Variants in ZNF654 observed in about 807,000 individuals in gnomAD.
ZNF654 encodes the protein zinc finger protein 654, also known as melanoma-associated antigen.
A neutral mutation model predicts 95.3 loss-of-function variants in ZNF654; 19 were observed. The ratio of observed to expected loss-of-function variants is 0.20; its 90% CI spans 0.14 to 0.29. ZNF654 has a LOEUF of 0.29. ZNF654 is among the 10% of genes least tolerant of loss of function. ZNF654 has a pLI of 1.00. For missense variants in ZNF654, 1,046 were observed against 1,341.0 expected, an observed-to-expected ratio of 0.78 and a Z score of 3.44; for synonymous variants, 413 against 457.9, an observed-to-expected ratio of 0.90 and a Z score of 1.25.
chr3:88,113,004 C>A (rs1227705733), intron 2 of ZNF654, 111 bp from the exon 3 acceptor site: 5 of 709,764 alleles, frequency 7.0e-6, no homozygotes, highest in African/African-American at 1.8e-5. Flanking sequence ...TTTTTTAAAC[C>A]AAAATATTTT....
intron 1 of ZNF654, among the ~76,000 whole-genome samples, chr3:88,081,667 T>A (rs1708083271): frequency 6.6e-6 from 1 of 152,272 alleles, no homozygotes; most frequent in Non-Finnish European, 1.5e-5. Flanking sequence ...TCCTTCAGGT[T>A]GGCTTCCATA....
intron 3 of ZNF654, among the ~76,000 whole-genome samples, chr3:88,123,081 G>A (rs1705876944): frequency 6.6e-6 from 1 of 151,284 alleles, no homozygotes; most frequent in Non-Finnish European, 1.5e-5. Context: ...GAGAGAATAA[G>A]TTGTGCATTC....
rs1704388012 is a variant in ZNF654, at chr3:88,100,980, C to T, written c.333-12135C>T. 4.6e-5 allele frequency among the ~76,000 whole-genome samples: 7 copies of T among 152,036 alleles called. No individual in the cohort carries two copies. The South Asian group carries it at 1.4e-3, about 31-fold the overall frequency. On this transcript the variant is annotated intron_variant, in intron 2 of 8. Coordinates refer to ENST00000636215, the MANE Select transcript of ZNF654 (RefSeq NM_001350134.2). ...ATAATAAAAGAAAACTTTATTATGA[C>T]AATTTTCAAGTATACTTGAAAGTAA...
intron 3 of ZNF654, among the ~76,000 whole-genome samples, chr3:88,122,937 G>A (rs1445588245): frequency 6.6e-6 from 1 of 151,268 alleles, no homozygotes; most frequent in African/African-American, 2.4e-5. Flanking sequence ...TTGAACCTGG[G>A]AGGCCGAGGT....
chr3:88,135,323 C>T lies in ZNF654; in HGVS notation c.1035+121C>T, dbSNP rs932909173. 8.0e-6 allele frequency: 6 copies of T among 747,198 alleles called. No individual in the cohort carries two copies. The African/African-American group carries it at 9.2e-5, about 11-fold the overall frequency. The allele number at this position is 747,198 out of a possible 1,614,324, so 46.3% of individuals were successfully genotyped here. A position where few individuals can be genotyped will look rare whatever the true frequency, so the allele number is the denominator to read the frequency against. Reference sequence around the variant, plus strand: ...GAAGGAAAGGAGGATTTTAAGGCCACATTCTCCATACATTACATTCTCCTC... The same window carrying T: ...GAAGGAAAGGAGGATTTTAAGGCCATATTCTCCATACATTACATTCTCCTC... On this transcript the variant is annotated intron_variant, in intron 7 of 8. Coordinates refer to ENST00000636215, the MANE Select transcript of ZNF654 (RefSeq NM_001350134.2).
intron 1 of ZNF654, among the ~76,000 whole-genome samples, chr3:88,068,221 AT>A (rs1001932793): frequency 2.0e-5 from 3 of 152,012 alleles, no homozygotes; most frequent in African/African-American, 7.2e-5. Flanking sequence ...ATCAGTGCTT[AT>A]TTGTCTCGGT....
At chr3:88,127,253 G>T (rs1706164457) in intron 4 of ZNF654, among the ~76,000 whole-genome samples, 1 of 152,120 alleles carries the variant, frequency 6.6e-6, no homozygotes, top group South Asian at 2.1e-4. Flanking sequence ...TGTTGAGCAG[G>T]TTATTTCTGT....
chr3:88,142,917 C>T lies in ZNF654; in HGVS notation c.*1265C>T, dbSNP rs1707200009. ...AACAATAAATATTTTTAAAAATACC[C>T]TCTCAGATGTTTTCCATTTGTCCAT... On this transcript the variant is annotated 3_prime_UTR_variant, in exon 9 of 9. Transcript: ENST00000636215. 2 of 152,254 alleles carry T rather than the reference C, an allele frequency of 1.3e-5. No homozygotes were observed. The highest frequency in any genetic ancestry group is 1.3e-4 in the Admixed American group (2 of 15,242). The allele number at this position is 152,254 out of a possible 1,614,324, so 9.4% of individuals were successfully genotyped here. A position where few individuals can be genotyped will look rare whatever the true frequency, so the allele number is the denominator to read the frequency against.
chr3:88,087,037 C>G (rs1708370337), intron 2 of ZNF654, among the ~76,000 whole-genome samples: 1 of 151,886 alleles, frequency 6.6e-6, no homozygotes. Context: ...CTACCTTGGC[C>G]TCCCAAAGTG....
intron 2 of ZNF654, among the ~76,000 whole-genome samples, chr3:88,109,095 G>A (rs1200057758): frequency 1.3e-5 from 2 of 151,534 alleles, no homozygotes; most frequent in Non-Finnish European, 1.5e-5. Flanking sequence ...GCATCCAGTG[G>A]GAGGGAAGGG....
chr3:88,116,535 AAAAT>A (rs1469691783), intron 3 of ZNF654, among the ~76,000 whole-genome samples: 1 of 130,466 alleles, frequency 7.7e-6, no homozygotes, highest in East Asian at 2.2e-4. Context: ...AAAAGAAAAA[AAAAT>A]ACATACATAC....
intron 5 of ZNF654, 113 bp from the exon 6 acceptor site, chr3:88,129,574 G>A: frequency 1.2e-6 from 1 of 835,644 alleles, no homozygotes; most frequent in South Asian, 2.4e-5. Context: ...CATTGTCTTT[G>A]TAGAAGAAAA....
chr3:88,059,459 G>T lies in ZNF654; in HGVS notation c.140G>T (p.Gly47Val). 2.0e-6 allele frequency: 3 copies of T among 1,522,656 alleles called. No individual in the cohort carries two copies. Among genetic ancestry groups the T allele is most frequent in the South Asian group, 2.4e-5 (2 of 82,796 alleles). The allele number at this position is 1,522,656 out of a possible 1,614,324, so 94.3% of individuals were successfully genotyped here. A position where few individuals can be genotyped will look rare whatever the true frequency, so the allele number is the denominator to read the frequency against. Residue 47 changes from glycine (G) to valine (V), a missense_variant, in exon 1 of 9, where the codon GGC becomes GTC. Physicochemically the swap from Gly to Val is moderately radical, Grantham distance 109. Around this residue, in one of 9 missense-constraint regions of ZNF654, gnomAD observed 89 missense variants for 77.9 expected, o/e 1.14. Transcript: ENST00000636215. The part of the protein sequence containing the change: ...RGGAGSGNCG[G>V]GVGISSRDYC... ...GGCGCTGGCAGCGGCAACTGCGGCG[G>T]CGGCGTCGGAATCAGCAGTCGGGAT... is the stretch of plus-strand genomic sequence containing the variant.
chr3:88,083,747 C>T lies in ZNF654; in HGVS notation c.187-2510C>T, dbSNP rs1708197516. Among the ~76,000 whole-genome samples, 3 of 152,032 alleles carry T rather than the reference C, an allele frequency of 2.0e-5. No homozygotes were observed. The South Asian group carries it at 6.2e-4, about 32-fold the overall frequency. On this transcript the variant is annotated intron_variant, in intron 1 of 8. Transcript: ENST00000636215. ...AAAACACTATTCTTATTTGTTTTAG[C>T]AGCTTCAGCGTTATCCTGGCCACCA...
chr3:88,140,063 T>C lies in ZNF654; in HGVS notation c.2394T>C (p.Asp798=). Residue 798 remains aspartate, a synonymous_variant, in exon 8 of 9, where the codon GAT becomes GAC. Coordinates refer to ENST00000636215, the MANE Select transcript of ZNF654 (RefSeq NM_001350134.2). ...AATTTTGTCAAAGGCAATTTGAAGA[T>C]TCTCAACATTTTATAGACCACCTTA... ...KCKFCQRQFE[D]SQHFIDHLNR... 8 of 1,613,768 alleles carry C rather than the reference T, an allele frequency of 5.0e-6. No homozygotes were observed. Among genetic ancestry groups the C allele is most frequent in the Non-Finnish European group, 5.9e-6 (7 of 1,179,762 alleles).
chr3:88,136,999 A>T (rs1284884720), intron 7 of ZNF654, among the ~76,000 whole-genome samples: 1 of 152,120 alleles, frequency 6.6e-6, no homozygotes, highest in African/African-American at 2.4e-5. Flanking sequence ...GTTCAAGACC[A>T]GTCTGGCCAA....
chr3:88,135,350 GC>G, intron 7 of ZNF654, 148 bp downstream of exon 7: 1 of 521,686 alleles, frequency 1.9e-6, no homozygotes, highest in Admixed American at 4.4e-5. Context: ...ATTCTCCTCT[GC>G]CCTAACTCCA....
chr3:88,129,067 C>CAAAAA, intron 5 of ZNF654, 56 bp downstream of exon 5: 1 of 1,036,218 alleles, frequency 9.7e-7, no homozygotes, highest in Non-Finnish European at 1.3e-6. Context: ...AAAAAAAAAC[C>CAAAAA]AAAAAAAAAA....
At chr3:88,090,165 T>G (rs550235264) in intron 2 of ZNF654, among the ~76,000 whole-genome samples, 12 of 152,200 alleles carry the variant, frequency 7.9e-5, no homozygotes, top group Non-Finnish European at 1.2e-4. Context: ...AAAAAAAGGT[T>G]AACTGTAAAA....
Sources: allele counts gnomAD v4.1 joint callset (sites outside exome capture counted in the v4.1 genomes callset), GRCh38; gene constraint gnomAD v4.1.1; regional missense constraint gnomAD v4.1.1; transcripts MANE v1.5; gene names NCBI Gene and HGNC (gene_info 2026-07-23, HGNC 2026-07-21).